NAIP: variants seen among roughly 807,000 people sequenced by gnomAD.
NAIP encodes NLR family apoptosis inhibitory protein, also known as baculoviral IAP repeat-containing protein 1.
A neutral mutation model predicts 23.0 loss-of-function variants in NAIP; 15 were observed. The ratio of observed to expected loss-of-function variants is 0.65; its 90% CI spans 0.44 to 1.00. The LOEUF is 1.00. Among genes scored for constraint, NAIP ranks in the 50% least tolerant of loss-of-function variants. The probability of loss-of-function intolerance (pLI) is 0.00; values close to 1 mark genes in which losing one functional copy is unlikely to be tolerated. For missense variants in NAIP, 265 were observed against 278.8 expected (o/e 0.95, Z 0.35); for synonymous variants, 100 against 100.2 (o/e 1.00, Z 0.01).
At chr5:71,011,661 A>G (rs1751166245) in intron 4 of NAIP, 1 of 491,960 alleles carries the variant, frequency 2.0e-6, no homozygotes, top group Non-Finnish European at 3.7e-6. Context: ...GTGATAGGGA[A>G]GCCGACTAAC....
chr5:71,011,439 G>C (rs966982214), intron 4 of NAIP, 65 bp from the exon 5 acceptor site: 4 of 1,319,318 alleles, frequency 3.0e-6, no homozygotes, highest in Non-Finnish European at 3.2e-6. Flanking sequence ...ACACAGAGTT[G>C]ATTGTTTTGT....
intron 3 of NAIP, among the ~76,000 whole-genome samples, chr5:71,013,393 C>T (rs1751262962): frequency 6.6e-6 from 1 of 150,904 alleles, no homozygotes; most frequent in Admixed American, 6.6e-5. Flanking sequence ...AATCCCAGCA[C>T]TTTGGGAGGC....
At chr5:71,011,397 A>C (rs761328273) in intron 4 of NAIP, 23 bp from the exon 5 acceptor site, 1 of 1,555,678 alleles carries the variant, frequency 6.4e-7, no homozygotes, top group Admixed American at 1.8e-5. Context: ...GAAAATATTT[A>C]GATTGCCTGG....
chr5:71,016,272 C>T (rs1270184863), intron 3 of NAIP, among the ~76,000 whole-genome samples: 1 of 147,108 alleles, frequency 6.8e-6, no homozygotes, highest in South Asian at 2.2e-4. Context: ...CCAGCCTGGA[C>T]AACAGAGTGA....
chr5:71,008,233 C>T (rs1750965648), intron 5 of NAIP, among the ~76,000 whole-genome samples: 2 of 148,810 alleles, frequency 1.3e-5, no homozygotes, highest in Non-Finnish European at 3.0e-5. Context: ...CCACGCCTGG[C>T]CAATTTTTGT....
chr5:71,016,238 G>A (rs1247629861), intron 3 of NAIP, among the ~76,000 whole-genome samples: 1 of 148,574 alleles, frequency 6.7e-6, no homozygotes, highest in African/African-American at 2.5e-5. Context: ...AAGCTGCGGG[G>A]AGCTATGATT....
At chr5:71,013,918 T>C (rs1164237349) in intron 3 of NAIP, among the ~76,000 whole-genome samples, 2 of 151,434 alleles carry the variant, frequency 1.3e-5, no homozygotes, top group African/African-American at 4.9e-5. Context: ...CCATGTAAAT[T>C]AGCTCCCCAT....
At position 71,025,288 on chromosome 5, in the gene NAIP, G is replaced by A. The variant is rs1482863217; in HGVS notation, c.-892C>T. Among the ~76,000 whole-genome samples, 6 of 53,078 alleles carry A rather than the reference G, an allele frequency of 1.1e-4. 3 individuals are homozygous for A. Among genetic ancestry groups the A allele is most frequent in the African/African-American group, 4.0e-4 (6 of 14,900 alleles). The allele number at this position is 53,078 out of a possible 152,430, so 34.8% of individuals were successfully genotyped here. On this transcript the variant is annotated 5_prime_UTR_variant, in exon 1 of 17. Transcript: ENST00000517649. ...ACAGATAAGGAAACTCAAGCACATA[G>A]GGGTTAAGGTTAACCAGTGATCTGG...
rs745376780 is a variant in NAIP at position 71,012,656 on chromosome 5, T to A, written c.260A>T (p.Tyr87Phe). ...IPQEMAAAGF[Y>F]FTGVKSGIQC... ...AATCCCAGATTTTACCCCAGTGAAG[T>A]AAAACCCAGCGGCCGCCATCTCCTG... The change falls in exon 4 of 17, where the codon TAC (tyrosine) becomes TTC (phenylalanine). Residue 87 changes from tyrosine (Y) to phenylalanine (F), a missense_variant. Physicochemically the swap from Tyr to Phe is conservative, Grantham distance 22. Transcript: ENST00000517649. The A allele has an allele frequency of 6.2e-7, 1 of 1,611,938 alleles. No individual in the cohort carries two copies. Among genetic ancestry groups the A allele is most frequent in the East Asian group, 2.2e-5 (1 of 44,852 alleles).
intron 5 of NAIP, 124 bp downstream of exon 5, chr5:71,011,151 T>C (rs991057147): frequency 2.9e-6 from 2 of 691,894 alleles, no homozygotes; most frequent in South Asian, 2.1e-5. Flanking sequence ...GAGAATCACC[T>C]GAACCAGGGA....
intron 4 of NAIP, chr5:71,011,692 C>A (rs1164631157): frequency 6.4e-6 from 3 of 467,374 alleles, no homozygotes; most frequent in Non-Finnish European, 1.2e-5. Flanking sequence ...GCTGAAGTAA[C>A]GTGCAATTAG....
At chr5:71,012,232 A>G (rs1281415680) in intron 4 of NAIP, 116 bp downstream of exon 4, 6 of 873,602 alleles carry the variant, frequency 6.9e-6, no homozygotes, top group African/African-American at 3.4e-5. Flanking sequence ...CCTTATACCT[A>G]ATATAACACA....
Position 71,012,586 on chromosome 5 carries a change from C to T in NAIP, c.330G>A (p.Thr110=), listed in dbSNP as rs770279208. 17 of 1,611,862 alleles carry T rather than the reference C, an allele frequency of 1.1e-5. 1 individual carries two copies. Among genetic ancestry groups the T allele is most frequent in the South Asian group, 9.9e-5 (9 of 90,970 alleles). Residue 110 remains threonine (T), a synonymous_variant, in exon 4 of 17, where the codon ACG becomes ACA. Coordinates refer to ENST00000517649, the MANE Select transcript of NAIP (RefSeq NM_004536.3). ...TCTTGTGGTCTTCTATGGGGAGTCT[C>T]GTGAGGCCGGCACCAAAGAGGATTA... ...CSLILFGAGL[T]RLPIEDHKRF... is the part of the protein sequence containing the mutation.
chr5:71,011,344 C>T lies in NAIP; in HGVS notation c.599G>A (p.Cys200Tyr), dbSNP rs768604539. 2.5e-6 allele frequency: 4 copies of T among 1,606,120 alleles called. No individual in the cohort carries two copies. Among genetic ancestry groups the T allele is most frequent in the Non-Finnish European group, 3.4e-6 (4 of 1,175,532 alleles). The change falls in exon 5 of 17, where the codon TGT becomes TAT. Residue 200 changes from cysteine to tyrosine, a missense_variant. By Grantham distance (194) the Cys-to-Tyr change is radical. This residue lies in a region of NAIP where 261 missense variants were observed against 259.2 expected (regional missense o/e 1.01). Coordinates refer to ENST00000517649, the MANE Select transcript of NAIP (RefSeq NM_004536.3). ...TTCCCAATTTCCTAAACATCCACCA[C>T]AGGAAAAACACTGTACCGTGTCCTG... is the stretch of plus-strand genomic sequence containing the variant. ...GKQDTVQCFS[C>Y]GGCLGNWEEG...
chr5:71,011,253 T>G (rs749286854), intron 5 of NAIP, 22 bp downstream of exon 5: 1 of 1,550,070 alleles, frequency 6.5e-7, no homozygotes, highest in Non-Finnish European at 8.8e-7. Flanking sequence ...AAGAAACATT[T>G]AAGCAAAAAT....
At chr5:71,011,524 C>T (rs1751158987) in intron 4 of NAIP, 150 bp from the exon 5 acceptor site, 1 of 693,624 alleles carries the variant, frequency 1.4e-6, no homozygotes, top group Admixed American at 2.9e-5. Context: ...CTCAATCCCA[C>T]CACCCAAAAT....
intron 3 of NAIP, among the ~76,000 whole-genome samples, chr5:71,015,837 C>G (rs2112939390): frequency 8.2e-6 from 1 of 121,698 alleles, no homozygotes; most frequent in Admixed American, 8.6e-5. Flanking sequence ...ACTCGGGAGG[C>G]TGAGGCAGGA....
At chr5:71,002,528 C>G (rs1181811287) in intron 6 of NAIP, among the ~76,000 whole-genome samples, 1 of 150,020 alleles carries the variant, frequency 6.7e-6, no homozygotes, top group African/African-American at 2.4e-5. Context: ...CCTGCCTCAG[C>G]CTCCCGAGTA....
chr5:71,012,863 T>C lies in NAIP; in HGVS notation c.53A>G (p.Asn18Ser). 4 of 1,609,312 alleles carry C rather than the reference T, an allele frequency of 2.5e-6. No homozygotes were observed. Among genetic ancestry groups the C allele is most frequent in the Non-Finnish European group, 3.4e-6 (4 of 1,177,618 alleles). ...AAGAGCAGACAGCTCTGGCAGCAAA[T>C]TGTGATCAAACTGGGAGATCCTCTC... ...SDERISQFDH[N>S]LLPELSALLG... The change falls in exon 4 of 17, where the codon AAT becomes AGT. Residue 18 changes from asparagine (N) to serine (S), a missense_variant. Transcript: ENST00000517649.
Sources: gnomAD v4.1 joint callset for allele counts (sites outside exome capture counted in the v4.1 genomes callset) on GRCh38, gnomAD v4.1.1 for gene constraint, gnomAD v4.1.1 regional missense constraint, MANE v1.5 for transcripts, NCBI Gene and HGNC (gene_info 2026-07-23, HGNC 2026-07-21) for gene names.